The following TPCN1 variants were observed in gnomAD, a reference collection of about 807,000 sequenced individuals.
The protein encoded by TPCN1 is two pore channel protein 1.
A neutral mutation model predicts 108.8 loss-of-function variants in TPCN1; 52 were observed. That is an observed-to-expected ratio of 0.48 (90% confidence interval 0.38 to 0.60). TPCN1 has a LOEUF of 0.60. Among genes scored for constraint, TPCN1 ranks in the 20% least tolerant of loss-of-function variants. The pLI is 0.00. For synonymous variants in TPCN1, 446 were observed against 433.7 expected (o/e 1.03, Z -0.35); for missense variants, 806 against 1,072.8 (o/e 0.75, Z 3.47).
Position 113,278,254 on chromosome 12 carries a change from G to A in TPCN1, c.1233+17G>A. The A allele has an allele frequency of 1.2e-6, 2 of 1,612,360 alleles. No homozygotes were observed. Among genetic ancestry groups the A allele is most frequent in the East Asian group, 2.2e-5 (1 of 44,838 alleles). Reference sequence around the variant, plus strand: ...AAGTGGAAGGTGAGTTCTTCTCTGAGACCATAGAAGGAGTAGACAGAGAGG... The same window carrying A: ...AAGTGGAAGGTGAGTTCTTCTCTGAAACCATAGAAGGAGTAGACAGAGAGG... On this transcript the variant is annotated intron_variant, in intron 13 of 27. Coordinates refer to ENST00000335509, the MANE Select transcript of TPCN1 (RefSeq NM_017901.6).
chr12:113,260,615 T>C (rs1954994638), intron 3 of TPCN1, 123 bp downstream of exon 3: 2 of 1,272,820 alleles, frequency 1.6e-6, no homozygotes, highest in Non-Finnish European at 2.1e-6. Flanking sequence ...GCTGCTCGTG[T>C]GTGAGCTTCA....
In TPCN1 at chr12:113,247,421, GTCC is replaced by G. The variant is rs954059074; in HGVS notation, c.113-12941_113-12939del. Among the ~76,000 whole-genome samples the G allele has an allele frequency of 1.4e-4, 22 of 152,334 alleles. 1 individual carries two copies. The highest frequency in any genetic ancestry group is 5.1e-4 in the African/African-American group (21 of 41,572). ...CCTTCCCGCTTTCTGGGCCTGAAAT[GTCC>G]TCCTCAGAAAGCTGCCGAGCCTTCG... is the stretch of plus-strand genomic sequence containing the variant. On this transcript the variant is annotated intron_variant, in intron 2 of 27. Coordinates refer to ENST00000335509, the MANE Select transcript of TPCN1 (RefSeq NM_017901.6).
chr12:113,269,720 G>T lies in TPCN1; in HGVS notation c.660-37G>T, dbSNP rs1423694501. 6.3e-7 allele frequency: 1 copy of T among 1,599,932 alleles called. No homozygotes were observed. Among genetic ancestry groups the T allele is most frequent in the African/African-American group, 1.3e-5 (1 of 74,812 alleles). ...GAGGAGTCCCAGGCAGCCCGCCCCA[G>T]CTGGTGCCTCCCCTGAGCTGGCCCA... is the stretch of plus-strand genomic sequence containing the variant. On this transcript the variant is annotated intron_variant, in intron 6 of 27. Transcript: ENST00000335509. This position sits in a 1 kb window ranked among gnomAD's most constrained non-coding sequence, Gnocchi z 5.0.
chr12:113,233,781 G>A (rs1953785311), intron 2 of TPCN1, among the ~76,000 whole-genome samples: 1 of 152,160 alleles, frequency 6.6e-6, no homozygotes, highest in Non-Finnish European at 1.5e-5. Flanking sequence ...AGATTTGGGG[G>A]GCCGTTACTT....
intron 23 of TPCN1, 61 bp from the exon 24 acceptor site, chr12:113,291,548 T>G (rs1183563672): frequency 4.1e-6 from 6 of 1,457,788 alleles, no homozygotes; most frequent in Non-Finnish European, 4.7e-6. Flanking sequence ...GAGCAGCCTG[T>G]GTAGACGGGG....
rs1032993185 is a variant in TPCN1 at position 113,255,789 on chromosome 12, C to G, written c.113-4579C>G. Among the ~76,000 whole-genome samples, 8 of 151,932 alleles carry G rather than the reference C, an allele frequency of 5.3e-5. No individual in the cohort carries two copies. The East Asian group carries it at 1.5e-3, about 29-fold the overall frequency. On this transcript the variant is annotated intron_variant, in intron 2 of 27. Coordinates refer to ENST00000335509, the MANE Select transcript of TPCN1 (RefSeq NM_017901.6). ...AGGTGATCCACCTGCCTTGGCCTCC[C>G]TAAGTGCTAGGATTACAGGCATGAG...
At chr12:113,235,508 A>T (rs1233475457) in intron 2 of TPCN1, among the ~76,000 whole-genome samples, 2 of 115,010 alleles carry the variant, frequency 1.7e-5, no homozygotes, top group African/African-American at 3.6e-5. Flanking sequence ...GTAGTGGTTT[A>T]AAAAAAAAAA....
At chr12:113,224,176 TCACAC>T (rs1381347785) in intron 1 of TPCN1, among the ~76,000 whole-genome samples, 2 of 152,108 alleles carry the variant, frequency 1.3e-5, no homozygotes, top group East Asian at 3.9e-4. Context: ...AGGTTTGGAG[TCACAC>T]CGTAGAGCTG....
chr12:113,262,898 T>G (rs1001035858), intron 3 of TPCN1, among the ~76,000 whole-genome samples: 3 of 152,192 alleles, frequency 2.0e-5, no homozygotes, highest in Admixed American at 1.3e-4. Flanking sequence ...TTTAAACTGT[T>G]TAGCCTCCAG....
At chr12:113,251,822 C>T (rs530276161) in intron 2 of TPCN1, among the ~76,000 whole-genome samples, 1 of 152,362 alleles carries the variant, frequency 6.6e-6, no homozygotes, top group South Asian at 2.1e-4. Flanking sequence ...AGTGGAGTGA[C>T]ACCGTGAGAC....
At chr12:113,260,784 G>A (rs1265552442) in intron 3 of TPCN1, among the ~76,000 whole-genome samples, 3 of 152,228 alleles carry the variant, frequency 2.0e-5, no homozygotes, top group African/African-American at 7.2e-5. Flanking sequence ...AGGGCACACT[G>A]AGAGGCCACG....
At chr12:113,270,797 G>A (rs778008186) in intron 7 of TPCN1, among the ~76,000 whole-genome samples, 2 of 152,024 alleles carry the variant, frequency 1.3e-5, no homozygotes, top group Admixed American at 6.6e-5. Flanking sequence ...CTCTTTTATA[G>A]GGGCACTAAT....
chr12:113,282,771 A>C (rs891949540), intron 15 of TPCN1, among the ~76,000 whole-genome samples: 6 of 148,424 alleles, frequency 4.0e-5, no homozygotes, highest in South Asian at 2.1e-4. Context: ...AGAAAAAAAA[A>C]CCCAAATTTT....
Position 113,268,313 on chromosome 12 carries a change from T to C in TPCN1, c.528+357T>C, listed in dbSNP as rs1021185754. On this transcript the variant is annotated intron_variant, in intron 5 of 27. Coordinates refer to ENST00000335509, the MANE Select transcript of TPCN1 (RefSeq NM_017901.6). The surrounding 1 kb of genome is among the most constrained non-coding windows in gnomAD (Gnocchi z 7.3). ...CCTAGTGTTGCGCATATTCTCTCTG[T>C]GCCACAGAGAGTGGCATGAGTAAGA... Among the ~76,000 whole-genome samples the C allele has an allele frequency of 3.9e-5, 6 of 152,182 alleles. No individual in the cohort carries two copies.
chr12:113,239,257 G>A (rs1038308376), intron 2 of TPCN1, among the ~76,000 whole-genome samples: 1 of 152,208 alleles, frequency 6.6e-6, no homozygotes, highest in East Asian at 1.9e-4. Flanking sequence ...GCAGGGTTTT[G>A]TGAATCCTGC....
chr12:113,236,961 G>A (rs1953922620), intron 2 of TPCN1, among the ~76,000 whole-genome samples: 1 of 152,182 alleles, frequency 6.6e-6, no homozygotes, highest in Admixed American at 6.5e-5. Context: ...TATAATTAGG[G>A]TCAGGGGTCA....
At chr12:113,278,346 C>T in intron 13 of TPCN1, 109 bp downstream of exon 13, 2 of 1,009,040 alleles carry the variant, frequency 2.0e-6, no homozygotes, top group Non-Finnish European at 3.1e-6. Flanking sequence ...TAGAGCAGCT[C>T]AGCCCCCAGC....
At position 113,229,711 on chromosome 12, in the gene TPCN1, C is replaced by T. The variant is rs935818087; in HGVS notation, c.112+2747C>T. 2.6e-5 allele frequency among the ~76,000 whole-genome samples: 4 copies of T among 152,156 alleles called. No homozygotes were observed. The South Asian group carries it at 6.2e-4, about 24-fold the overall frequency. ...TTTACCATGTTGGCCAGGCTGGTCT[C>T]GAACTGTTGGCCTCAAGTGATCCAC... is the stretch of plus-strand genomic sequence containing the variant. On this transcript the variant is annotated intron_variant, in intron 2 of 27. Coordinates refer to ENST00000335509, the MANE Select transcript of TPCN1 (RefSeq NM_017901.6).
At chr12:113,275,820 C>G (rs1183221740) in intron 10 of TPCN1, among the ~76,000 whole-genome samples, 1 of 150,722 alleles carries the variant, frequency 6.6e-6, no homozygotes, top group Non-Finnish European at 1.5e-5. Context: ...TTGTGATCCA[C>G]CCGCCTCGGC....
Sources: allele counts gnomAD v4.1 joint callset (sites outside exome capture counted in the v4.1 genomes callset), GRCh38; gene constraint gnomAD v4.1.1; non-coding constraint Gnocchi (gnomAD v3.1); transcripts MANE v1.5; gene names NCBI Gene and HGNC (gene_info 2026-07-23, HGNC 2026-07-21).